The following RASGRP1 variants were observed in gnomAD, a reference collection of about 807,000 sequenced individuals.
RASGRP1 encodes RAS guanyl releasing protein 1.
In RASGRP1, 37 loss-of-function variants were observed where a neutral mutation model predicts 95.1. The observed-to-expected ratio is 0.39, with a 90% confidence interval of 0.30 to 0.51. The LOEUF (loss-of-function observed/expected upper bound fraction) is 0.51, where lower values mean the gene tolerates loss of function less well. Among genes scored for constraint, RASGRP1 ranks in the 20% least tolerant of loss-of-function variants. The pLI is 0.80. For synonymous variants in RASGRP1, 325 were observed against 353.4 expected (o/e 0.92, Z 0.90); for missense variants, 711 against 965.4 (o/e 0.74, Z 3.49).
intron 2 of RASGRP1, among the ~76,000 whole-genome samples, chr15:38,532,827 T>C (rs1434035868): frequency 2.0e-5 from 3 of 152,208 alleles, no homozygotes. Context: ...AAAACTGCTG[T>C]TATTGCCTGA....
At chr15:38,540,174 C>T (rs1427468380) in intron 2 of RASGRP1, among the ~76,000 whole-genome samples, 1 of 152,132 alleles carries the variant, frequency 6.6e-6, no homozygotes, top group Non-Finnish European at 1.5e-5. Context: ...GCGATCCTCC[C>T]ACCTCGGCCG....
chr15:38,488,661 G>A lies in RASGRP1; in HGVS notation c.*1893C>T, dbSNP rs546621965. 2.6e-5 allele frequency: 4 copies of A among 151,834 alleles called. No individual in the cohort carries two copies. Among genetic ancestry groups the A allele is most frequent in the Non-Finnish European group, 5.9e-5 (4 of 67,838 alleles). The allele number at this position is 151,834 out of a possible 1,614,324, so 9.4% of individuals were successfully genotyped here. ...AAAACTAACTGGGGATCTTTACTTC[G>A]AATGGAGAGGAGGAAGAATGAAAAA... On this transcript the variant is annotated 3_prime_UTR_variant, in exon 17 of 17. Transcript: ENST00000310803.
At position 38,526,895 on chromosome 15, in the gene RASGRP1, C is replaced by A. The variant is rs147202092; in HGVS notation, c.221-491G>T. Among the ~76,000 whole-genome samples, 5 of 152,298 alleles carry A rather than the reference C, an allele frequency of 3.3e-5. No homozygotes were observed. In the East Asian group the frequency reaches 7.7e-4, roughly 23 times the overall value. On this transcript the variant is annotated intron_variant, in intron 2 of 16. Transcript: ENST00000310803. ...CCCATGGCCTTGGAAGGGGCTCATG[C>A]AAGTGAGGAGCCCTGAAATATATGC...
At chr15:38,491,613 A>G (rs1348265331) in intron 16 of RASGRP1, among the ~76,000 whole-genome samples, 1 of 152,148 alleles carries the variant, frequency 6.6e-6, no homozygotes, top group Non-Finnish European at 1.5e-5. Flanking sequence ...ATTCTTATTA[A>G]TATACGTTAT....
intron 2 of RASGRP1, among the ~76,000 whole-genome samples, chr15:38,537,683 A>G (rs566354321): frequency 3.3e-4 from 50 of 152,284 alleles, no homozygotes; most frequent in African/African-American, 1.2e-3. Flanking sequence ...TGATCCAGGC[A>G]TCTCCCACCA....
rs542802199 is a variant in RASGRP1 at position 38,510,316 on chromosome 15, A to G, written c.966+1288T>C. ...CTCTGAGATGTGGGCAATCTTTTCAACTGTTCCACCTGGTTTCAGCAGAAC... is the reference window on the plus strand; with the variant it reads ...CTCTGAGATGTGGGCAATCTTTTCAGCTGTTCCACCTGGTTTCAGCAGAAC... On this transcript the variant is annotated intron_variant, in intron 8 of 16. Coordinates refer to ENST00000310803, the MANE Select transcript of RASGRP1 (RefSeq NM_005739.4). 3.9e-5 allele frequency among the ~76,000 whole-genome samples: 6 copies of G among 152,306 alleles called. No individual in the cohort carries two copies. In the East Asian group the frequency reaches 9.7e-4, roughly 25 times the overall value.
intron 3 of RASGRP1, among the ~76,000 whole-genome samples, chr15:38,525,611 G>T (rs974066086): frequency 6.6e-6 from 1 of 152,178 alleles, no homozygotes; most frequent in African/African-American, 2.4e-5. Context: ...GGAATTAGGA[G>T]AGTGGAAAAG....
chr15:38,564,757 C>T lies in RASGRP1; in HGVS notation c.-129G>A, dbSNP rs904148580. On this transcript the variant is annotated 5_prime_UTR_variant, in exon 1 of 17. Transcript: ENST00000310803. Reference sequence around the variant, plus strand: ...CCTCGTAGCCCCGGCGCCCGCCAGCCCTCGAGCCCGGCGAGCCCGACCGAG... The same window carrying T: ...CCTCGTAGCCCCGGCGCCCGCCAGCTCTCGAGCCCGGCGAGCCCGACCGAG... The T allele has an allele frequency of 1.3e-5, 11 of 814,994 alleles. No homozygotes were observed. The African/African-American group carries it at 1.5e-4, about 11-fold the overall frequency. 50.5% of individuals were successfully genotyped at this position (814,994 alleles called of 1,614,324 possible). A position where few individuals can be genotyped will look rare whatever the true frequency, so the allele number is the denominator to read the frequency against.
chr15:38,494,959 G>A (rs1890739193), intron 15 of RASGRP1, among the ~76,000 whole-genome samples, 192 bp from the exon 16 acceptor site: 1 of 152,208 alleles, frequency 6.6e-6, no homozygotes, highest in African/African-American at 2.4e-5. Context: ...ATGGCCACTG[G>A]TGTCAAGCTA....
intron 11 of RASGRP1, chr15:38,502,829 C>T (rs963442564): frequency 8.4e-5 from 19 of 227,364 alleles, no homozygotes; most frequent in Non-Finnish European, 1.5e-4. Context: ...CTCACCGTTA[C>T]GCTCTTAGTT....
At chr15:38,511,817 C>G in intron 7 of RASGRP1, 97 bp from the exon 8 acceptor site, 1 of 827,808 alleles carries the variant, frequency 1.2e-6, no homozygotes, top group Non-Finnish European at 1.9e-6. Context: ...GTGAGTCTCC[C>G]TTACGCTGGT....
intron 2 of RASGRP1, among the ~76,000 whole-genome samples, chr15:38,532,347 T>TA (rs2141150539): frequency 6.6e-6 from 1 of 152,342 alleles, no homozygotes; most frequent in South Asian, 2.1e-4. Context: ...ATGTTGATCT[T>TA]ACATACTCTG....
At chr15:38,501,031 T>C in intron 13 of RASGRP1, 112 bp downstream of exon 13, 1 of 1,256,778 alleles carries the variant, frequency 8.0e-7, no homozygotes, top group Non-Finnish European at 1.1e-6. Flanking sequence ...TAGGTGTCTG[T>C]CTGGGCTCCA....
At chr15:38,508,143 TAC>T in intron 8 of RASGRP1, 142 bp from the exon 9 acceptor site, 3 of 898,142 alleles carry the variant, frequency 3.3e-6, no homozygotes, top group Non-Finnish European at 3.3e-6. Flanking sequence ...ATGTAAAAGG[TAC>T]AGATTATGAC....
chr15:38,500,867 C>T (rs994355746), intron 13 of RASGRP1, among the ~76,000 whole-genome samples: 7 of 152,162 alleles, frequency 4.6e-5, no homozygotes, highest in Admixed American at 2.6e-4. Flanking sequence ...ACACTTGAAA[C>T]AGCACATGAA....
intron 15 of RASGRP1, among the ~76,000 whole-genome samples, chr15:38,496,937 T>C (rs1234829631): frequency 1.3e-5 from 2 of 152,232 alleles, no homozygotes; most frequent in African/African-American, 2.4e-5. Flanking sequence ...TAGGCATCTG[T>C]TGTAACGATA....
At chr15:38,501,036 G>A (rs1890998057) in intron 13 of RASGRP1, 107 bp downstream of exon 13, 1 of 1,290,132 alleles carries the variant, frequency 7.8e-7, no homozygotes, top group Non-Finnish European at 1.0e-6. Context: ...GTCTGTCTGG[G>A]CTCCAAGCTG....
intron 7 of RASGRP1, 129 bp downstream of exon 7, chr15:38,512,654 A>G (rs1311732068): frequency 8.6e-7 from 1 of 1,158,538 alleles, no homozygotes; most frequent in African/African-American, 1.6e-5. Flanking sequence ...AAGGCACACA[A>G]ACCTCTCCAC....
In RASGRP1 at chr15:38,559,945, G is replaced by A. The variant is rs747800230; in HGVS notation, c.96C>T (p.Asn32=). 1 of 1,613,638 alleles carries A rather than the reference G, an allele frequency of 6.2e-7. No homozygotes were observed. The highest frequency in any genetic ancestry group is 1.1e-5 in the South Asian group (1 of 91,006). The change falls in exon 2 of 17, where the codon AAC becomes AAT. Residue 32 remains asparagine (N), a synonymous_variant. Transcript: ENST00000310803. ...SKARLEAKPA[N]SPFPSHPSLA... ...AGCTGGGATGGGAGGGGAAGGGGCT[G>A]TTGGCTGGCTTTGCCTCTAGTCTTG...
Sources: gnomAD v4.1 joint callset for allele counts (sites outside exome capture counted in the v4.1 genomes callset) on GRCh38, gnomAD v4.1.1 for gene constraint, MANE v1.5 for transcripts, NCBI Gene and HGNC (gene_info 2026-07-23, HGNC 2026-07-21) for gene names.